The following ERI3 variants were observed in gnomAD, a reference collection of about 807,000 sequenced individuals.
The protein encoded by ERI3 is ERI1 exoribonuclease 3.
ERI3 carries 18 observed loss-of-function variants against 44.4 expected under a neutral mutation model. That is an observed-to-expected ratio of 0.41 (90% CI 0.28 to 0.60). The LOEUF (loss-of-function observed/expected upper bound fraction) is 0.60, where lower values mean the gene tolerates loss of function less well. Ranked by LOEUF, ERI3 falls within the 20% of genes least tolerant of loss-of-function variation. ERI3 has a pLI of 0.36. For synonymous variants in ERI3, 183 were observed against 164.8 expected (o/e 1.11, Z -0.84); for missense variants, 294 against 435.5 (o/e 0.68, Z 2.89).
At chr1:44,271,004 G>A (rs2154321453) in intron 7 of ERI3, among the ~76,000 whole-genome samples, 2 of 152,290 alleles carry the variant, frequency 1.3e-5, no homozygotes, top group Middle Eastern at 3.4e-3. Flanking sequence ...TCTGCCAACG[G>A]TCTCAGACTG....
At chr1:44,340,149 C>CAAAAAAAAAAAAAAA (rs35880098) in intron 2 of ERI3, among the ~76,000 whole-genome samples, 1 of 121,104 alleles carries the variant, frequency 8.3e-6, no homozygotes, top group Non-Finnish European at 1.8e-5. Context: ...TGAACATGTG[C>CAAAAAAAAAAAAAAA]AAAAAAAAAA....
At chr1:44,231,511 C>T (rs1644183196) in intron 8 of ERI3, among the ~76,000 whole-genome samples, 1 of 152,070 alleles carries the variant, frequency 6.6e-6, no homozygotes, top group Non-Finnish European at 1.5e-5. Flanking sequence ...GCAGCTGGGA[C>T]TACAGGTATG....
At chr1:44,302,637 T>C (rs534317976) in intron 6 of ERI3, among the ~76,000 whole-genome samples, 61 of 152,242 alleles carry the variant, frequency 4.0e-4, no homozygotes, top group African/African-American at 1.4e-3. Context: ...CCAACTGGGC[T>C]CCCATATCAA....
chr1:44,265,600 A>G (rs932659004), intron 7 of ERI3, among the ~76,000 whole-genome samples: 1 of 152,222 alleles, frequency 6.6e-6, no homozygotes, highest in Non-Finnish European at 1.5e-5. Flanking sequence ...ATGAATGTTC[A>G]TAACAGCCAA....
At chr1:44,229,232 G>C (rs1026254774) in intron 8 of ERI3, among the ~76,000 whole-genome samples, 35 of 152,314 alleles carry the variant, frequency 2.3e-4, no homozygotes, top group Non-Finnish European at 4.1e-4. Flanking sequence ...GTGGCAGGGA[G>C]AGTGGCTGGT....
chr1:44,262,489 G>A (rs1043798744), intron 7 of ERI3, among the ~76,000 whole-genome samples: 16 of 152,140 alleles, frequency 1.1e-4, no homozygotes, highest in African/African-American at 3.9e-4. Context: ...TCTCCAAGTC[G>A]AAGCTGCCCA....
At position 44,342,009 on chromosome 1, in the gene ERI3, T is replaced by C. The variant is rs552822670; in HGVS notation, c.212-2687A>G. On this transcript the variant is annotated intron_variant, in intron 2 of 8. Coordinates refer to ENST00000372257, the MANE Select transcript of ERI3 (RefSeq NM_024066.3). ...TTACTGGATTCCACACTTCCCTTAC[T>C]TCTAACAACCAAGCTCAGTTCAAGT... Among the ~76,000 whole-genome samples the C allele has an allele frequency of 1.7e-3, 254 of 152,342 alleles. 1 individual carries two copies. Among genetic ancestry groups the C allele is most frequent in the African/African-American group, 5.9e-3 (244 of 41,570 alleles).
intron 3 of ERI3, among the ~76,000 whole-genome samples, chr1:44,328,476 C>T (rs937588742): frequency 3.3e-5 from 5 of 152,162 alleles, no homozygotes; most frequent in African/African-American, 9.7e-5. Context: ...CTCCAGGTGA[C>T]TCTGACGCTC....
chr1:44,232,666 C>T (rs966154176), intron 8 of ERI3, among the ~76,000 whole-genome samples: 7 of 152,190 alleles, frequency 4.6e-5, no homozygotes, highest in Non-Finnish European at 7.3e-5. Flanking sequence ...AGGGGGAAGA[C>T]GGGAAAAGGC....
At chr1:44,284,955 A>G in intron 6 of ERI3, 48 bp from the exon 7 acceptor site, 2 of 1,509,946 alleles carry the variant, frequency 1.3e-6, no homozygotes, top group East Asian at 2.2e-5. Flanking sequence ...TCCATGTCCC[A>G]GGTATGAAGT....
intron 6 of ERI3, among the ~76,000 whole-genome samples, chr1:44,290,147 A>T (rs1645474993): frequency 6.6e-6 from 1 of 152,190 alleles, no homozygotes; most frequent in Non-Finnish European, 1.5e-5. Context: ...TGGGACCTGG[A>T]TCTTGGAGTG....
chr1:44,354,508 A>C, intron 1 of ERI3: 1 of 985,068 alleles, frequency 1.0e-6, no homozygotes, highest in Non-Finnish European at 1.2e-6. Context: ...GCCCTTATTC[A>C]CTCCTTCCAC....
rs1643905473 is a variant in ERI3, at chr1:44,221,858, A to G, written c.932-218T>C. On this transcript the variant is annotated intron_variant, in intron 8 of 8. Coordinates refer to ENST00000372257, the MANE Select transcript of ERI3 (RefSeq NM_024066.3). The surrounding 1 kb of genome is among the most constrained non-coding windows in gnomAD (Gnocchi z 5.9). ...CCTGGTCTCGATGCTTCTCAGTTCCATAATTCATGCTGGAAATTGGCCGGC... is the reference window on the plus strand; with the variant it reads ...CCTGGTCTCGATGCTTCTCAGTTCCGTAATTCATGCTGGAAATTGGCCGGC... Among the ~76,000 whole-genome samples, 1 of 152,186 alleles carries G rather than the reference A, an allele frequency of 6.6e-6. No homozygotes were observed. The highest frequency in any genetic ancestry group is 6.5e-5 in the Admixed American group (1 of 15,280).
chr1:44,273,233 G>A (rs1451546528), intron 7 of ERI3, among the ~76,000 whole-genome samples: 1 of 152,240 alleles, frequency 6.6e-6, no homozygotes, highest in Non-Finnish European at 1.5e-5. Context: ...AAGAACTAAT[G>A]CAGTTTCCAG....
intron 3 of ERI3, among the ~76,000 whole-genome samples, chr1:44,337,561 T>C (rs1646560633): frequency 6.6e-6 from 1 of 152,194 alleles, no homozygotes; most frequent in Non-Finnish European, 1.5e-5. Flanking sequence ...TGCATTCCCT[T>C]ACACCCAAAG....
chr1:44,278,884 T>A (rs1417831454), intron 7 of ERI3, among the ~76,000 whole-genome samples: 1 of 152,208 alleles, frequency 6.6e-6, no homozygotes, highest in Admixed American at 6.5e-5. Context: ...ATTACAGGCA[T>A]GAGCCACTGC....
intron 3 of ERI3, among the ~76,000 whole-genome samples, chr1:44,338,652 G>T (rs568295464): frequency 6.6e-6 from 1 of 152,340 alleles, no homozygotes; most frequent in African/African-American, 2.4e-5. Context: ...TGCAGGAGGG[G>T]AACTACCAAG....
At chr1:44,302,242 G>A (rs540621145) in intron 6 of ERI3, among the ~76,000 whole-genome samples, 32 of 152,178 alleles carry the variant, frequency 2.1e-4, no homozygotes, top group Non-Finnish European at 3.7e-4. Context: ...GCTCAGTTCT[G>A]CTTTGCTAAG....
In ERI3 at chr1:44,235,736, C is replaced by T. The variant is rs1644289747; in HGVS notation, c.931+12203G>A. On this transcript the variant is annotated intron_variant, in intron 8 of 8. Coordinates refer to ENST00000372257, the MANE Select transcript of ERI3 (RefSeq NM_024066.3). This position sits in a 1 kb window ranked among gnomAD's most constrained non-coding sequence, Gnocchi z 4.6. ...CCGTTCCCTTCTAGCATCTTGGTTT[C>T]CCCAGGACTTCACTGTGCCAGGAGA... Among the ~76,000 whole-genome samples the T allele has an allele frequency of 6.6e-6, 1 of 152,166 alleles. No homozygotes were observed. The highest frequency in any genetic ancestry group is 1.5e-5 in the Non-Finnish European group (1 of 68,026).
Sources: allele counts gnomAD v4.1 joint callset (sites outside exome capture counted in the v4.1 genomes callset), GRCh38; gene constraint gnomAD v4.1.1; non-coding constraint Gnocchi (gnomAD v3.1); transcripts MANE v1.5; gene names NCBI Gene and HGNC (gene_info 2026-07-23, HGNC 2026-07-21).